The following TSPAN12 variants were observed in gnomAD, a reference collection of about 807,000 sequenced individuals.
The protein encoded by TSPAN12 is tetraspanin 12.
In TSPAN12, 19 loss-of-function variants were observed where a neutral mutation model predicts 39.2. The observed-to-expected ratio is 0.49, with a 90% CI of 0.34 to 0.71. The LOEUF is 0.71. Ranked by LOEUF, TSPAN12 falls within the 30% of genes least tolerant of loss-of-function variation. The pLI, the probability that TSPAN12 is intolerant of heterozygous loss-of-function variation, is 0.01. For synonymous variants in TSPAN12, 119 were observed against 124.8 expected (o/e 0.95, Z 0.31); for missense variants, 314 against 359.9 (o/e 0.87, Z 1.03).
intron 4 of TSPAN12, among the ~76,000 whole-genome samples, chr7:120,827,492 G>A (rs973490067): frequency 6.6e-6 from 1 of 152,080 alleles, no homozygotes; most frequent in Non-Finnish European, 1.5e-5. Context: ...AATGTTCAGA[G>A]AAGAAAAATG....
In TSPAN12 at chr7:120,856,805, C is replaced by G; in HGVS notation, c.-42G>C. On this transcript the variant is annotated 5_prime_UTR_variant, in exon 2 of 8. Coordinates refer to ENST00000222747, the MANE Select transcript of TSPAN12 (RefSeq NM_012338.4). ...GAGAAGCCCCATCCTTTCACCACAT[C>G]CTACTCCCAAGGGCAAAACGGCAGC... 1.2e-6 allele frequency: 2 copies of G among 1,610,638 alleles called. No individual in the cohort carries two copies. Among genetic ancestry groups the G allele is most frequent in the African/African-American group, 1.3e-5 (1 of 74,992 alleles).
chr7:120,837,313 TTA>T, intron 4 of TSPAN12, among the ~76,000 whole-genome samples: 2 of 129,694 alleles, frequency 1.5e-5, no homozygotes, highest in Admixed American at 7.4e-5. Context: ...ATTCATTTAT[TTA>T]TTTTTTTTTT....
intron 1 of TSPAN12, among the ~76,000 whole-genome samples, chr7:120,857,598 C>T (rs1455381749): frequency 6.6e-6 from 1 of 152,106 alleles, no homozygotes; most frequent in African/African-American, 2.4e-5. Context: ...CCGGGACGCT[C>T]CCGCGACCCC....
chr7:120,857,557 G>A (rs1794898244), intron 1 of TSPAN12, among the ~76,000 whole-genome samples: 1 of 152,050 alleles, frequency 6.6e-6, no homozygotes, highest in Non-Finnish European at 1.5e-5. Flanking sequence ...TGCAGACGCC[G>A]GGTTAGTCAT....
At chr7:120,842,691 A>G (rs1794601313) in intron 2 of TSPAN12, among the ~76,000 whole-genome samples, 1 of 152,170 alleles carries the variant, frequency 6.6e-6, no homozygotes. Flanking sequence ...GGTCTCCTGC[A>G]GAAGTCAGGT....
chr7:120,856,861 G>A (rs1466685507), intron 1 of TSPAN12, 28 bp from the exon 2 acceptor site: 8 of 1,302,156 alleles, frequency 6.1e-6, no homozygotes, highest in Admixed American at 3.5e-5. Context: ...GAGAGAACAC[G>A]GGACATCTCA....
chr7:120,789,840 T>C (rs1793486214), intron 7 of TSPAN12, among the ~76,000 whole-genome samples: 1 of 152,168 alleles, frequency 6.6e-6, no homozygotes, highest in African/African-American at 2.4e-5. Context: ...AAGGGCTACC[T>C]GGGGGCCACG....
At position 120,833,454 on chromosome 7, in the gene TSPAN12, A is replaced by C. The variant is rs113220031; in HGVS notation, c.285+5323T>G. ...GGGAAATTTCTCCAAGGCCATTAAAATTTCATTTGATTTCCACTAAGGAAA... is the reference window on the plus strand; with the variant it reads ...GGGAAATTTCTCCAAGGCCATTAAACTTTCATTTGATTTCCACTAAGGAAA... On this transcript the variant is annotated intron_variant, in intron 4 of 7. Coordinates refer to ENST00000222747, the MANE Select transcript of TSPAN12 (RefSeq NM_012338.4). 9.5e-4 allele frequency among the ~76,000 whole-genome samples: 144 copies of C among 152,178 alleles called. 1 individual carries two copies. The highest frequency in any genetic ancestry group is 3.4e-3 in the African/African-American group (141 of 41,538).
In TSPAN12 at chr7:120,839,917, A is replaced by G. The variant is rs1794546233; in HGVS notation, c.149+110T>C. The G allele has an allele frequency of 3.6e-6, 3 of 841,850 alleles. No individual in the cohort carries two copies. The South Asian group carries it at 4.3e-5, about 12-fold the overall frequency. 52.1% of individuals were successfully genotyped at this position (841,850 alleles called of 1,614,324 possible). On this transcript the variant is annotated intron_variant, in intron 3 of 7. Transcript: ENST00000222747. The stretch of plus-strand genomic sequence containing the variant: ...GTCTGTGACAAAGGTTGCTATGGGC[A>G]GGAAAAACTTTTCCAAAAGATCAAG...
In TSPAN12 at chr7:120,810,512, A is replaced by T. The variant is rs267607153; in HGVS notation, c.419T>A (p.Leu140Ter). 6.2e-7 allele frequency: 1 copy of T among 1,613,936 alleles called. No homozygotes were observed. The highest frequency in any genetic ancestry group is 2.2e-5 in the East Asian group (1 of 44,850). Residue 140 changes from leucine to a stop codon, truncating the protein, a stop_gained, in exon 6 of 8, where the codon TTA (leucine) becomes TAA (stop). Transcript: ENST00000222747. LOFTEE classifies it high-confidence loss of function. ...ATGAGTAAGCCACCGATATCTAGGTAATCCATAATTTGTCATCCTGGCTTT... is the reference window on the plus strand; with the variant it reads ...ATGAGTAAGCCACCGATATCTAGGTTATCCATAATTTGTCATCCTGGCTTT... ...TLKARMTNYG[L>*]PRYRWLTHAW...
intron 2 of TSPAN12, among the ~76,000 whole-genome samples, chr7:120,845,768 G>C (rs1584952263): frequency 6.6e-6 from 1 of 152,216 alleles, no homozygotes; most frequent in East Asian, 1.9e-4. Flanking sequence ...AATTTAACTA[G>C]TCTCTAGAAA....
chr7:120,805,347 C>A (rs1793851422), intron 7 of TSPAN12, among the ~76,000 whole-genome samples: 1 of 152,150 alleles, frequency 6.6e-6, no homozygotes, highest in South Asian at 2.1e-4. Context: ...ATCTCAACAA[C>A]TGCCTTTGGC....
intron 2 of TSPAN12, among the ~76,000 whole-genome samples, chr7:120,846,192 C>G (rs550563708): frequency 6.6e-6 from 1 of 152,156 alleles, no homozygotes; most frequent in Non-Finnish European, 1.5e-5. Context: ...GGGGGAAATC[C>G]GTCCCCATGA....
intron 6 of TSPAN12, among the ~76,000 whole-genome samples, chr7:120,810,090 A>T (rs1224775454): frequency 3.9e-5 from 6 of 152,130 alleles, no homozygotes; most frequent in Admixed American, 1.3e-4. Context: ...CATTTTTTTT[A>T]AAACTAAAAT....
rs149062791 is a variant in TSPAN12 at position 120,822,247 on chromosome 7, T to G, written c.286-6444A>C. On this transcript the variant is annotated intron_variant, in intron 4 of 7. Coordinates refer to ENST00000222747, the MANE Select transcript of TSPAN12 (RefSeq NM_012338.4). ...TTTAAAGTTATTTAACATCACTATA[T>G]GTACACAGACAAAATAGTAAAATCT... Among the ~76,000 whole-genome samples the G allele has an allele frequency of 5.5e-3, 830 of 152,186 alleles. 8 individuals are homozygous for G. Among genetic ancestry groups the G allele is most frequent in the Middle Eastern group, 0.02 (6 of 294 alleles).
intron 5 of TSPAN12, among the ~76,000 whole-genome samples, 159 bp downstream of exon 5, chr7:120,815,570 C>A (rs1239353036): frequency 1.3e-5 from 2 of 152,146 alleles, no homozygotes; most frequent in Non-Finnish European, 2.9e-5. Context: ...TGTAAGTTTC[C>A]TGAGGCCTCC....
intron 2 of TSPAN12, among the ~76,000 whole-genome samples, chr7:120,855,677 GAAGT>G (rs1794856777): frequency 6.6e-6 from 1 of 152,124 alleles, no homozygotes; most frequent in African/African-American, 2.4e-5. Context: ...ATTACTCACT[GAAGT>G]AAGACTTAAT....
rs1219589420 is a variant in TSPAN12 at position 120,787,817 on chromosome 7, A to C, written c.*775T>G. The C allele has an allele frequency of 1.3e-5, 2 of 152,540 alleles. No homozygotes were observed. The highest frequency in any genetic ancestry group is 2.9e-5 in the Non-Finnish European group (2 of 68,006). The allele number at this position is 152,540 out of a possible 1,614,324, so 9.4% of individuals were successfully genotyped here. On this transcript the variant is annotated 3_prime_UTR_variant, in exon 8 of 8. Coordinates refer to ENST00000222747, the MANE Select transcript of TSPAN12 (RefSeq NM_012338.4). ...TGGTAATTTTCAAAATTAGTGGTTAAGTATTTAAATAACAGTTATATGTGT... is the reference window on the plus strand; with the variant it reads ...TGGTAATTTTCAAAATTAGTGGTTACGTATTTAAATAACAGTTATATGTGT...
chr7:120,810,430 C>CTCTTACTTCTGAGGT (rs1793955590), intron 6 of TSPAN12, 33 bp downstream of exon 6: 1 of 1,346,142 alleles, frequency 7.4e-7, no homozygotes, highest in African/African-American at 1.4e-5. Flanking sequence ...CCACTTACTT[C>CTCTTACTTCTGAGGT]ACTCTCTCTA....
Sources: allele counts gnomAD v4.1 joint callset (sites outside exome capture counted in the v4.1 genomes callset), GRCh38; gene constraint gnomAD v4.1.1; transcripts MANE v1.5; gene names NCBI Gene and HGNC (gene_info 2026-07-23, HGNC 2026-07-21).